Variants in SUGCT observed in about 807,000 individuals in gnomAD.
SUGCT encodes succinyl-CoA:glutarate CoA-transferase.
SUGCT carries 41 observed loss-of-function variants against 55.0 expected under a neutral mutation model. That is an observed-to-expected ratio of 0.74 (90% CI 0.58 to 0.97). The LOEUF (loss-of-function observed/expected upper bound fraction) is 0.97, where lower values mean the gene tolerates loss of function less well. SUGCT is among the 50% of genes least tolerant of loss of function. The pLI, the probability that SUGCT is intolerant of heterozygous loss-of-function variation, is 0.00. For synonymous variants in SUGCT, 187 were observed against 200.4 expected, an observed-to-expected ratio of 0.93 and a Z score of 0.56; for missense variants, 568 against 547.8, an observed-to-expected ratio of 1.04 and a Z score of -0.37.
chr7:40,809,396 A>G (rs2128755964), intron 13 of SUGCT, among the ~76,000 whole-genome samples: 1 of 152,238 alleles, frequency 6.6e-6, no homozygotes, highest in East Asian at 1.9e-4. Context: ...GTAACACTAT[A>G]TTTTATTCTA....
At chr7:40,886,719 A>C in the SUGCT span, among the ~76,000 whole-genome samples, 1 of 152,188 alleles carries the variant, frequency 6.6e-6, no homozygotes. Flanking sequence ...CAGAATTATT[A>C]ACTCCAACAG....
At chr7:40,417,103 C>G (rs1787045050) in intron 9 of SUGCT, among the ~76,000 whole-genome samples, 1 of 151,778 alleles carries the variant, frequency 6.6e-6, no homozygotes, top group Admixed American at 6.6e-5. Context: ...TTTTTATTTT[C>G]TGCTCGCCTT....
chr7:40,653,362 T>C (rs1371702903), intron 12 of SUGCT, among the ~76,000 whole-genome samples: 1 of 152,260 alleles, frequency 6.6e-6, no homozygotes, highest in East Asian at 1.9e-4. Context: ...TTCTTATCTC[T>C]TAAGGACTTA....
At chr7:40,853,114 G>C (rs1039634110) in intron 13 of SUGCT, among the ~76,000 whole-genome samples, 2 of 151,346 alleles carry the variant, frequency 1.3e-5, no homozygotes, top group Non-Finnish European at 2.9e-5. Flanking sequence ...TTCCAGAAGA[G>C]TAGGGTCCAG....
intron 8 of SUGCT, among the ~76,000 whole-genome samples, chr7:40,282,156 T>C (rs542490184): frequency 1.3e-5 from 2 of 152,054 alleles, no homozygotes; most frequent in Non-Finnish European, 2.9e-5. Context: ...TATTGTGTAT[T>C]GTGGCACCTT....
chr7:40,639,099 CTTGTG>C (rs1800147078), intron 12 of SUGCT, among the ~76,000 whole-genome samples: 1 of 152,182 alleles, frequency 6.6e-6, no homozygotes, highest in Non-Finnish European at 1.5e-5. Context: ...TCTGTGGCAT[CTTGTG>C]CAGAATGCAG....
At position 40,663,199 on chromosome 7, in the gene SUGCT, A is replaced by G. The variant is rs1016047414; in HGVS notation, c.1090-86235A>G. Among the ~76,000 whole-genome samples the G allele has an allele frequency of 3.3e-5, 5 of 152,202 alleles. No individual in the cohort carries two copies. In the East Asian group the frequency reaches 5.8e-4, roughly 18 times the overall value. ...CATGAAGGTAAATAAAGAATTGATC[A>G]GTCTTATGGACTTTGTTTAATTTTT... On this transcript the variant is annotated intron_variant, in intron 12 of 13. Coordinates refer to ENST00000335693, the MANE Select transcript of SUGCT (RefSeq NM_001193313.2).
At chr7:40,322,444 G>A (rs776466829) in intron 9 of SUGCT, among the ~76,000 whole-genome samples, 8 of 152,100 alleles carry the variant, frequency 5.3e-5, no homozygotes, top group Non-Finnish European at 1.2e-4. Flanking sequence ...CCTTCCCAAG[G>A]GGCAAGCTGA....
chr7:40,863,452 G>A (rs1171005056), downstream of SUGCT, among the ~76,000 whole-genome samples: 1 of 152,046 alleles, frequency 6.6e-6, no homozygotes, highest in Non-Finnish European at 1.5e-5. Context: ...AAACTTTCAG[G>A]TCCCACGTGG....
At chr7:40,726,221 C>A (rs1342882333) in intron 12 of SUGCT, among the ~76,000 whole-genome samples, 1 of 151,996 alleles carries the variant, frequency 6.6e-6, no homozygotes, top group Non-Finnish European at 1.5e-5. Context: ...TGACTGGAAG[C>A]CTTACCAATA....
chr7:40,270,129 C>T (rs1791907797), intron 7 of SUGCT, among the ~76,000 whole-genome samples: 2 of 132,376 alleles, frequency 1.5e-5, no homozygotes, highest in South Asian at 2.4e-4. Flanking sequence ...GAGCAAGACC[C>T]TTTCTCAAAA....
intron 3 of SUGCT, among the ~76,000 whole-genome samples, chr7:40,183,124 T>C (rs1246582663): frequency 1.3e-5 from 2 of 151,978 alleles, no homozygotes; most frequent in Non-Finnish European, 2.9e-5. Context: ...AATACAAAAA[T>C]GAGCCAGGCA....
At chr7:40,604,613 T>C (rs1220818879) in intron 12 of SUGCT, among the ~76,000 whole-genome samples, 3 of 152,152 alleles carry the variant, frequency 2.0e-5, no homozygotes, top group African/African-American at 4.8e-5. Flanking sequence ...TTCATTCAGT[T>C]TGGGGACAGG....
chr7:40,705,817 C>A (rs1785370471), intron 12 of SUGCT, among the ~76,000 whole-genome samples: 1 of 152,148 alleles, frequency 6.6e-6, no homozygotes, highest in East Asian at 1.9e-4. Context: ...ATCTTCTGCA[C>A]CCTGGCGGCT....
rs923879941 is a variant in SUGCT, at chr7:40,281,613, C to T, written c.720+6957C>T. ...AGACAATCATATAATTTTTATCCTT[C>T]ATTCTGTTAATGAATCGAAAGCAGT... is the stretch of plus-strand genomic sequence containing the variant. On this transcript the variant is annotated intron_variant, in intron 8 of 13. Coordinates refer to ENST00000335693, the MANE Select transcript of SUGCT (RefSeq NM_001193313.2). Among the ~76,000 whole-genome samples, 5 of 152,254 alleles carry T rather than the reference C, an allele frequency of 3.3e-5. No homozygotes were observed. The East Asian group carries it at 7.7e-4, about 23-fold the overall frequency.
chr7:40,290,766 G>A lies in SUGCT; in HGVS notation c.720+16110G>A, dbSNP rs556447811. 4.6e-5 allele frequency among the ~76,000 whole-genome samples: 7 copies of A among 152,012 alleles called. No individual in the cohort carries two copies. The East Asian group carries it at 1.2e-3, about 25-fold the overall frequency. ...TTCTCAACCTACTCATCTGACAAAG[G>A]GCTAATATCCAGAATCTACAATGAA... On this transcript the variant is annotated intron_variant, in intron 8 of 13. Coordinates refer to ENST00000335693, the MANE Select transcript of SUGCT (RefSeq NM_001193313.2).
the SUGCT span, among the ~76,000 whole-genome samples, chr7:40,914,367 C>T: frequency 4.7e-5 from 7 of 150,142 alleles, no homozygotes; most frequent in East Asian, 2.0e-4. Context: ...CATGCTGGTG[C>T]GCTGCACCCA....
chr7:40,827,299 T>A (rs1792363972), intron 13 of SUGCT, among the ~76,000 whole-genome samples: 1 of 152,168 alleles, frequency 6.6e-6, no homozygotes, highest in Non-Finnish European at 1.5e-5. Context: ...CTGCCCCTGC[T>A]CTGATACATT....
intron 12 of SUGCT, among the ~76,000 whole-genome samples, chr7:40,723,311 G>A (rs995673892): frequency 3.9e-5 from 6 of 152,126 alleles, no homozygotes; most frequent in Admixed American, 2.6e-4. Flanking sequence ...CAGTTGACAC[G>A]GGTTTGAAAG....
Sources: allele counts gnomAD v4.1 joint callset (sites outside exome capture counted in the v4.1 genomes callset), GRCh38; gene constraint gnomAD v4.1.1; transcripts MANE v1.5; gene names NCBI Gene and HGNC (gene_info 2026-07-23, HGNC 2026-07-21).